EVA1A: variants seen among roughly 807,000 people sequenced by gnomAD.
The protein encoded by EVA1A is eva-1 homolog A, regulator of programmed cell death, also known as protein eva-1 homolog A.
EVA1A carries 7 observed loss-of-function variants against 9.8 expected under a neutral mutation model. That is an observed-to-expected ratio of 0.71 (90% CI 0.41 to 1.34). The LOEUF is 1.34. Among genes scored for constraint, EVA1A ranks in the 40% most tolerant of loss-of-function variants. The pLI, the probability that EVA1A is intolerant of heterozygous loss-of-function variation, is 0.01. For missense variants in EVA1A, 206 were observed against 205.9 expected, an observed-to-expected ratio of 1.00 and a Z score of 0.00; for synonymous variants, 90 against 85.6, an observed-to-expected ratio of 1.05 and a Z score of -0.28.
chr2:75,566,379 C>G (rs1186936151), intron 1 of EVA1A, among the ~76,000 whole-genome samples: 1 of 151,820 alleles, frequency 6.6e-6, no homozygotes, highest in African/African-American at 2.4e-5. Context: ...TTTCAGAAAG[C>G]AAAGTTTTAC....
chr2:75,495,733 A>T (rs1674188647), intron 3 of EVA1A, among the ~76,000 whole-genome samples: 1 of 152,220 alleles, frequency 6.6e-6, no homozygotes, highest in African/African-American at 2.4e-5. Flanking sequence ...TTATCCATGT[A>T]ACCACAAACC....
chr2:75,514,024 G>A (rs577424719), intron 3 of EVA1A, among the ~76,000 whole-genome samples: 9 of 152,292 alleles, frequency 5.9e-5, no homozygotes, highest in Middle Eastern at 3.4e-3. Flanking sequence ...AAAAAGAATT[G>A]CATCATCACA....
exon 1 of EVA1A, chr2:75,569,567 T>G (rs1677085395): frequency 6.6e-6 from 1 of 152,280 alleles, no homozygotes; most frequent in Non-Finnish European, 1.5e-5. Context: ...CTTCAGGGGT[T>G]GCCCACCTCT....
intron 1 of EVA1A, among the ~76,000 whole-genome samples, chr2:75,533,690 G>A (rs189688845): frequency 3.9e-5 from 6 of 151,974 alleles, no homozygotes; most frequent in Non-Finnish European, 7.4e-5. Flanking sequence ...TAATCCCAGC[G>A]ATTTGGGAGG....
Position 75,524,719 on chromosome 2 carries a change from C to CT in EVA1A, c.-191-2233dup, listed in dbSNP as rs531236895. Among the ~76,000 whole-genome samples, 53 of 152,228 alleles carry CT rather than the reference C, an allele frequency of 3.5e-4. No homozygotes were observed. In the South Asian group the frequency reaches 1.0e-2, roughly 29 times the overall value. On this transcript the variant is annotated intron_variant, in intron 1 of 3. Transcript: ENST00000393913. ...AAATAGAGGGCACCCTACATGAACT[C>CT]TAACTTTCCTCCCTTCCATCTCATT...
chr2:75,518,431 T>A (rs899117527), intron 2 of EVA1A, among the ~76,000 whole-genome samples: 1 of 152,138 alleles, frequency 6.6e-6, no homozygotes, highest in African/African-American at 2.4e-5. Flanking sequence ...GTGAAAACTA[T>A]GCTTGCAAAA....
intron 1 of EVA1A, among the ~76,000 whole-genome samples, chr2:75,548,508 G>A (rs1002386932): frequency 6.6e-6 from 1 of 151,996 alleles, no homozygotes; most frequent in Admixed American, 6.5e-5. Context: ...ACCACGTGTT[G>A]CCTCCACCTG....
chr2:75,516,862 T>C (rs1409915389), intron 3 of EVA1A, among the ~76,000 whole-genome samples: 1 of 152,194 alleles, frequency 6.6e-6, no homozygotes, highest in Non-Finnish European at 1.5e-5. Context: ...CTTGTGTCCT[T>C]TCTCTCCAAT....
chr2:75,534,547 A>G (rs962390362), intron 1 of EVA1A, among the ~76,000 whole-genome samples: 17 of 152,170 alleles, frequency 1.1e-4, no homozygotes, highest in Admixed American at 9.2e-4. Flanking sequence ...GCAGAAGACA[A>G]AAGACAAAAT....
At chr2:75,504,990 A>G (rs1044482405) in intron 3 of EVA1A, among the ~76,000 whole-genome samples, 2 of 152,202 alleles carry the variant, frequency 1.3e-5, no homozygotes, top group Non-Finnish European at 2.9e-5. Context: ...CACTCATTTC[A>G]TCCCCTTCCA....
Position 75,518,193 on chromosome 2 carries a change from C to T in EVA1A, c.-53G>A, listed in dbSNP as rs1480110807. On this transcript the variant is annotated 5_prime_UTR_variant, in exon 3 of 4. The change creates a new upstream start codon in the 5' untranslated region. Transcript: ENST00000393913. ...GTGCTTGGCTGAATCAACGTGGCCA[C>T]TCTCCTTCTTCTCTTCTGTTTGGGA... 3 of 1,601,360 alleles carry T rather than the reference C, an allele frequency of 1.9e-6. No individual in the cohort carries two copies. The highest frequency in any genetic ancestry group is 2.7e-5 in the African/African-American group (2 of 74,520).
intron 1 of EVA1A, among the ~76,000 whole-genome samples, chr2:75,525,794 C>G (rs182353465): frequency 3.6e-4 from 55 of 152,308 alleles, no homozygotes; most frequent in African/African-American, 1.3e-3. Flanking sequence ...TGGTCCTAGT[C>G]AAGACTTACG....
At chr2:75,567,549 C>G (rs1677049820) in intron 1 of EVA1A, among the ~76,000 whole-genome samples, 1 of 152,202 alleles carries the variant, frequency 6.6e-6, no homozygotes, top group Admixed American at 6.5e-5. Context: ...ATACCGAGCT[C>G]TTAATCTCCC....
chr2:75,551,691 G>T (rs1676529288), intron 1 of EVA1A, among the ~76,000 whole-genome samples: 2 of 152,282 alleles, frequency 1.3e-5, no homozygotes, highest in South Asian at 4.1e-4. Context: ...CTGTGCCTAG[G>T]TTTACTCAGC....
intron 1 of EVA1A, among the ~76,000 whole-genome samples, chr2:75,526,913 T>C (rs1675465142): frequency 6.6e-6 from 1 of 152,166 alleles, no homozygotes; most frequent in South Asian, 2.1e-4. Flanking sequence ...AAGCCAGAGA[T>C]GGTCTGAAAG....
In EVA1A at chr2:75,548,133, T is replaced by C. The variant is rs113027763; in HGVS notation, c.-192+12547A>G. Among the ~76,000 whole-genome samples, 846 of 152,326 alleles carry C rather than the reference T, an allele frequency of 5.6e-3. 8 individuals are homozygous for C. The highest frequency in any genetic ancestry group is 0.019 in the African/African-American group (790 of 41,566). On this transcript the variant is annotated intron_variant, in intron 1 of 3. Transcript: ENST00000393913. ...GCCTGTCTTTCCTAGCTCATTTCTC[T>C]TTTATTTATTTATTTTTGAGACAGG...
intron 3 of EVA1A, among the ~76,000 whole-genome samples, chr2:75,517,069 T>A (rs1384575542): frequency 2.0e-5 from 3 of 151,812 alleles, no homozygotes; most frequent in Non-Finnish European, 4.4e-5. Flanking sequence ...CCCTGAGCAG[T>A]CCTTTTTTTT....
chr2:75,554,727 A>ATGTGTTAGGGG (rs1676642246), intron 1 of EVA1A, among the ~76,000 whole-genome samples: 1 of 151,828 alleles, frequency 6.6e-6, no homozygotes, highest in African/African-American at 2.4e-5. Context: ...CCCCTAACAC[A>ATGTGTTAGGGG]GTGCCTGGCA....
At chr2:75,507,637 C>T (rs1463899174) in intron 3 of EVA1A, among the ~76,000 whole-genome samples, 1 of 152,194 alleles carries the variant, frequency 6.6e-6, no homozygotes, top group Non-Finnish European at 1.5e-5. Flanking sequence ...CTCTATGACA[C>T]ACCTCATCTG....
Sources: gnomAD v4.1 joint callset for allele counts (sites outside exome capture counted in the v4.1 genomes callset) on GRCh38, gnomAD v4.1.1 for gene constraint, MANE v1.5 for transcripts, NCBI Gene and HGNC (gene_info 2026-07-23, HGNC 2026-07-21) for gene names.